GRID2: variants seen among roughly 807,000 people sequenced by gnomAD.
GRID2 encodes the protein glutamate ionotropic receptor delta type subunit 2, also known as glutamate receptor ionotropic, delta-2.
GRID2 carries 33 observed loss-of-function variants against 114.8 expected under a neutral mutation model. That is an observed-to-expected ratio of 0.29 (90% CI 0.22 to 0.38). The LOEUF is 0.38. Ranked by LOEUF, GRID2 falls within the 10% of genes least tolerant of loss-of-function variation. The pLI, the probability that GRID2 is intolerant of heterozygous loss-of-function variation, is 1.00. For synonymous variants in GRID2, 505 were observed against 449.9 expected (o/e 1.12, Z -1.55); for missense variants, 1,184 against 1,257.7 (o/e 0.94, Z 0.89).
chr4:92,535,835 C>T (rs1350047943), intron 1 of GRID2, among the ~76,000 whole-genome samples: 1 of 152,068 alleles, frequency 6.6e-6, no homozygotes, highest in African/African-American at 2.4e-5. Context: ...TTGGCGGGTT[C>T]GTCGTCTTGC....
intron 14 of GRID2, among the ~76,000 whole-genome samples, chr4:93,724,519 C>G (rs530582151): frequency 6.6e-6 from 1 of 152,186 alleles, no homozygotes; most frequent in African/African-American, 2.4e-5. Flanking sequence ...ATTAGGAAGT[C>G]ATAAAAACAT....
chr4:92,339,859 T>C (rs1323952276), intron 1 of GRID2, among the ~76,000 whole-genome samples: 1 of 152,226 alleles, frequency 6.6e-6, no homozygotes, highest in East Asian at 1.9e-4. Context: ...TTATCTGGTT[T>C]CTTGCCAAAC....
At chr4:93,594,607 G>A (rs1389022347) in intron 13 of GRID2, among the ~76,000 whole-genome samples, 2 of 152,206 alleles carry the variant, frequency 1.3e-5, no homozygotes, top group Admixed American at 6.5e-5. Flanking sequence ...AGGCTGCTTT[G>A]TTTACCTAAG....
intron 1 of GRID2, among the ~76,000 whole-genome samples, chr4:92,530,508 G>GTA (rs71579565): frequency 9.3e-6 from 1 of 107,214 alleles, no homozygotes; most frequent in Non-Finnish European, 1.9e-5. Flanking sequence ...GACTAGTACA[G>GTA]AAAAAAAAAA....
chr4:92,446,854 C>T (rs1359672182), intron 1 of GRID2, among the ~76,000 whole-genome samples: 1 of 152,176 alleles, frequency 6.6e-6, no homozygotes, highest in Non-Finnish European at 1.5e-5. Context: ...AGCAGAAGTT[C>T]TCAAGTTTTA....
At chr4:93,020,597 A>G (rs989762629) in intron 2 of GRID2, among the ~76,000 whole-genome samples, 9 of 152,210 alleles carry the variant, frequency 5.9e-5, no homozygotes, top group African/African-American at 2.2e-4. Context: ...AAATGGAATT[A>G]TTTTTAGTAA....
Position 92,959,937 on chromosome 4 carries a change from T to A in GRID2, c.245-125058T>A, listed in dbSNP as rs555382216. ...GGTTGATGAGTGCATCAAACCACCATGGCACATGTGTACCTATGTAACAAA... is the reference window on the plus strand; with the variant it reads ...GGTTGATGAGTGCATCAAACCACCAAGGCACATGTGTACCTATGTAACAAA... On this transcript the variant is annotated intron_variant, in intron 2 of 15. Transcript: ENST00000282020. 2.7e-3 allele frequency among the ~76,000 whole-genome samples: 416 copies of A among 151,942 alleles called. 5 individuals carry two copies. Among genetic ancestry groups the A allele is most frequent in the African/African-American group, 9.7e-3 (402 of 41,446 alleles).
rs765337971 is a variant in GRID2, at chr4:93,231,460, T to C, written c.1125+6685T>C. Among the ~76,000 whole-genome samples, 65 of 150,396 alleles carry C rather than the reference T, an allele frequency of 4.3e-4. No individual in the cohort carries two copies. In the Middle Eastern group the frequency reaches 0.017, roughly 40 times the overall value. On this transcript the variant is annotated intron_variant, in intron 7 of 15. Coordinates refer to ENST00000282020, the MANE Select transcript of GRID2 (RefSeq NM_001510.4). ...ACTAACTATACAAAGAGCTACACTC[T>C]AAGGCCAGAAACAACAAAAAGACCC...
intron 1 of GRID2, among the ~76,000 whole-genome samples, chr4:92,447,249 T>C (rs1196902078): frequency 6.6e-6 from 1 of 152,180 alleles, no homozygotes; most frequent in Non-Finnish European, 1.5e-5. Flanking sequence ...ATGGTTTCCT[T>C]CTATAAGTGA....
intron 2 of GRID2, among the ~76,000 whole-genome samples, chr4:92,712,618 T>G (rs930426834): frequency 2.0e-5 from 3 of 152,202 alleles, no homozygotes; most frequent in African/African-American, 7.2e-5. Context: ...TGGGTGTTTT[T>G]TATTTACCAA....
chr4:92,437,829 A>G (rs528116959), intron 1 of GRID2, among the ~76,000 whole-genome samples: 6 of 152,336 alleles, frequency 3.9e-5, no homozygotes, highest in African/African-American at 1.4e-4. Context: ...CCACCACTTT[A>G]AGAATTAATA....
chr4:92,971,821 C>G (rs1177072340), intron 2 of GRID2, among the ~76,000 whole-genome samples: 1 of 152,054 alleles, frequency 6.6e-6, no homozygotes, highest in Non-Finnish European at 1.5e-5. Context: ...ACTTATTTCA[C>G]TTATATAATG....
At chr4:93,554,963 T>C (rs866421276) in intron 13 of GRID2, among the ~76,000 whole-genome samples, 1 of 152,082 alleles carries the variant, frequency 6.6e-6, no homozygotes, top group African/African-American at 2.4e-5. Context: ...GAGTGCAAGC[T>C]GAAGCAGGGT....
chr4:93,506,653 C>T (rs1379031255), intron 12 of GRID2, among the ~76,000 whole-genome samples: 15 of 152,124 alleles, frequency 9.9e-5, no homozygotes, highest in Non-Finnish European at 1.5e-5. Context: ...TCAAGCATTC[C>T]ACATGGAGGT....
chr4:93,449,630 C>T (rs905681609), intron 10 of GRID2, among the ~76,000 whole-genome samples: 1 of 152,016 alleles, frequency 6.6e-6, no homozygotes, highest in East Asian at 1.9e-4. Context: ...TATAGACAAA[C>T]GTGGCTTGAT....
chr4:93,237,731 C>T (rs896254973), intron 7 of GRID2, among the ~76,000 whole-genome samples: 3 of 151,828 alleles, frequency 2.0e-5, no homozygotes, highest in Non-Finnish European at 4.4e-5. Context: ...AAATGAACAT[C>T]TGTCATATTG....
At chr4:93,759,713 C>T (rs552168105) in intron 14 of GRID2, among the ~76,000 whole-genome samples, 1 of 152,266 alleles carries the variant, frequency 6.6e-6, no homozygotes, top group African/African-American at 2.4e-5. Context: ...ATTCATCTGA[C>T]CTTTAATCAC....
intron 4 of GRID2, among the ~76,000 whole-genome samples, chr4:93,190,357 T>G (rs561908085): frequency 2.0e-5 from 3 of 152,160 alleles, no homozygotes; most frequent in Non-Finnish European, 4.4e-5. Flanking sequence ...AAAGAGGACT[T>G]AATTCAGCTC....
chr4:93,602,277 C>A (rs866135592), intron 13 of GRID2, among the ~76,000 whole-genome samples: 3 of 152,130 alleles, frequency 2.0e-5, no homozygotes, highest in Admixed American at 2.0e-4. Flanking sequence ...CCAAGGCAAT[C>A]AATTTAGTTA....
Sources: gnomAD v4.1 joint callset for allele counts (sites outside exome capture counted in the v4.1 genomes callset) on GRCh38, gnomAD v4.1.1 for gene constraint, MANE v1.5 for transcripts, NCBI Gene and HGNC (gene_info 2026-07-23, HGNC 2026-07-21) for gene names.